Variants in CABIN1 observed in about 807,000 individuals in gnomAD.
CABIN1 encodes the protein calcineurin binding protein 1, also known as calcineurin-binding protein cabin-1.
In CABIN1, 133 loss-of-function variants were observed where a neutral mutation model predicts 227.7. The observed-to-expected ratio is 0.58, with a 90% CI of 0.51 to 0.67. The LOEUF is 0.67. CABIN1 is among the 30% of genes least tolerant of loss of function. The probability of loss-of-function intolerance (pLI) is 0.00; values close to 1 mark genes in which losing one functional copy is unlikely to be tolerated. For missense variants in CABIN1, 2,408 were observed against 2,852.5 expected (o/e 0.84, Z 3.55); for synonymous variants, 1,086 against 1,155.1 (o/e 0.94, Z 1.21).
At chr22:24,030,427 A>G (rs984836573) in intron 1 of CABIN1, among the ~76,000 whole-genome samples, 3 of 152,206 alleles carry the variant, frequency 2.0e-5, no homozygotes, top group African/African-American at 7.2e-5. Context: ...GTAAGGCTGC[A>G]TTAAATTCAA....
chr22:24,149,510 A>T (rs2045357116), intron 29 of CABIN1, among the ~76,000 whole-genome samples: 1 of 152,174 alleles, frequency 6.6e-6, no homozygotes, highest in Non-Finnish European at 1.5e-5. Context: ...AGTGGGGGAG[A>T]AGGTGAGATG....
At chr22:24,034,368 A>G (rs1248825532) in intron 1 of CABIN1, among the ~76,000 whole-genome samples, 1 of 152,248 alleles carries the variant, frequency 6.6e-6, no homozygotes. Context: ...GCTATTTTGT[A>G]TATGACTTCT....
At chr22:24,130,009 G>T (rs1298812303) in intron 28 of CABIN1, among the ~76,000 whole-genome samples, 2 of 152,238 alleles carry the variant, frequency 1.3e-5, no homozygotes, top group African/African-American at 4.8e-5. Context: ...GGTCCAGATA[G>T]TAGGCAAGGG....
rs975029806 is a variant in CABIN1, at chr22:24,177,169, G to A, written c.6206-335G>A. On this transcript the variant is annotated intron_variant, in intron 35 of 36. Coordinates refer to ENST00000263119, the MANE Select transcript of CABIN1 (RefSeq NM_012295.4). The surrounding 1 kb of genome is among the most constrained non-coding windows in gnomAD (Gnocchi z 4.4). ...GACACCAATAGGACATGCATCCTAG[G>A]ATGGTTGTGGAAATACGACAGTTCA... Among the ~76,000 whole-genome samples the A allele has an allele frequency of 6.6e-6, 1 of 152,240 alleles. No homozygotes were observed. The highest frequency in any genetic ancestry group is 1.5e-5 in the Non-Finnish European group (1 of 68,034).
At chr22:24,171,607 G>C in intron 33 of CABIN1, 106 bp from the exon 34 acceptor site, 3 of 1,357,486 alleles carry the variant, frequency 2.2e-6, no homozygotes, top group Non-Finnish European at 3.1e-6. Flanking sequence ...GGCAGCCCCA[G>C]GCGCACAGGA....
intron 19 of CABIN1, 111 bp downstream of exon 19, chr22:24,076,395 C>G: frequency 1.2e-6 from 1 of 809,154 alleles, no homozygotes; most frequent in South Asian, 1.4e-5. Context: ...GCTTGGCCTT[C>G]CCTCAGTGGG....
intron 19 of CABIN1, among the ~76,000 whole-genome samples, chr22:24,078,605 C>G (rs139688456): frequency 7.1e-4 from 108 of 152,224 alleles, no homozygotes; most frequent in African/African-American, 2.5e-3. Context: ...ATATGTTTTA[C>G]TTGGGTTGAT....
At chr22:24,069,780 C>CAG (rs1230323602) in intron 16 of CABIN1, among the ~76,000 whole-genome samples, 1 of 152,060 alleles carries the variant, frequency 6.6e-6, no homozygotes, top group Non-Finnish European at 1.5e-5. Context: ...GATCTGTGTT[C>CAG]AGATACCACA....
intron 26 of CABIN1, among the ~76,000 whole-genome samples, chr22:24,106,472 C>T (rs1198975796): frequency 1.3e-5 from 2 of 152,224 alleles, no homozygotes; most frequent in Non-Finnish European, 2.9e-5. Flanking sequence ...TCCCTGCTGC[C>T]TGCCCTGCCA....
intron 29 of CABIN1, among the ~76,000 whole-genome samples, chr22:24,149,325 C>G (rs146593582): frequency 6.6e-6 from 1 of 152,210 alleles, no homozygotes; most frequent in Non-Finnish European, 1.5e-5. Context: ...TGACCAGACC[C>G]ACCTCTTAGA....
chr22:24,019,531 A>G (rs2035560649), intron 1 of CABIN1, among the ~76,000 whole-genome samples: 1 of 152,130 alleles, frequency 6.6e-6, no homozygotes, highest in Non-Finnish European at 1.5e-5. Flanking sequence ...CTGGGATTAC[A>G]GGCATGAGCC....
At chr22:24,172,519 G>T (rs1057462978) in intron 34 of CABIN1, among the ~76,000 whole-genome samples, 4 of 152,200 alleles carry the variant, frequency 2.6e-5, no homozygotes, top group African/African-American at 9.6e-5. Context: ...CTTGCCTCAT[G>T]GGCAAGACAG....
intron 34 of CABIN1, among the ~76,000 whole-genome samples, chr22:24,175,005 C>G (rs73399074): frequency 1.3e-5 from 2 of 152,192 alleles, no homozygotes; most frequent in Non-Finnish European, 2.9e-5. Flanking sequence ...CACCATCAAG[C>G]AGGCCAAAGC....
intron 19 of CABIN1, among the ~76,000 whole-genome samples, chr22:24,077,532 C>T (rs768524651): frequency 2.3e-4 from 35 of 152,228 alleles, no homozygotes; most frequent in Non-Finnish European, 3.8e-4. Flanking sequence ...AGCCCCAGCT[C>T]CAGATGCCTG....
intron 29 of CABIN1, among the ~76,000 whole-genome samples, chr22:24,153,197 G>C (rs956500898): frequency 1.3e-5 from 2 of 152,208 alleles, no homozygotes; most frequent in Non-Finnish European, 2.9e-5. Flanking sequence ...TATTTCCAAG[G>C]AGGGTGTGAC....
chr22:24,059,417 C>G (rs943366974), intron 11 of CABIN1, 54 bp downstream of exon 11: 32 of 1,594,966 alleles, frequency 2.0e-5, no homozygotes, highest in Non-Finnish European at 2.6e-5. Flanking sequence ...TCCCACTATC[C>G]TATAACCTGC....
At chr22:24,151,719 C>T (rs941072184) in intron 29 of CABIN1, among the ~76,000 whole-genome samples, 1 of 152,170 alleles carries the variant, frequency 6.6e-6, no homozygotes. Flanking sequence ...TCTTCTCTGC[C>T]CAATCTGTTC....
chr22:24,075,018 C>A, intron 18 of CABIN1, among the ~76,000 whole-genome samples: 1 of 152,070 alleles, frequency 6.6e-6, no homozygotes. Flanking sequence ...CGTAGTAAGA[C>A]CCTGTATCTA....
At chr22:24,060,205 G>A in intron 12 of CABIN1, 64 bp downstream of exon 12, 4 of 1,449,504 alleles carry the variant, frequency 2.8e-6, no homozygotes, top group Non-Finnish European at 2.9e-6. Flanking sequence ...CAGGGATCTT[G>A]CATGGGTGTG....
Sources: allele counts gnomAD v4.1 joint callset (sites outside exome capture counted in the v4.1 genomes callset), GRCh38; gene constraint gnomAD v4.1.1; non-coding constraint Gnocchi (gnomAD v3.1); transcripts MANE v1.5; gene names NCBI Gene and HGNC (gene_info 2026-07-23, HGNC 2026-07-21).